Variants in ICA1 observed in about 807,000 individuals in gnomAD.
ICA1 encodes islet cell autoantigen 1.
ICA1 carries 40 observed loss-of-function variants against 71.0 expected under a neutral mutation model. That is an observed-to-expected ratio of 0.56 (90% confidence interval 0.44 to 0.73). ICA1 has a LOEUF of 0.73. Ranked by LOEUF, ICA1 falls within the 30% of genes least tolerant of loss-of-function variation. The probability of loss-of-function intolerance (pLI) is 0.00; values close to 1 mark genes in which losing one functional copy is unlikely to be tolerated. For synonymous variants in ICA1, 207 were observed against 209.5 expected (o/e 0.99, Z 0.10); for missense variants, 578 against 576.5 (o/e 1.00, Z -0.03).
At chr7:8,195,910 A>G (rs10277277) in intron 6 of ICA1, among the ~76,000 whole-genome samples, 150,535 of 152,252 alleles carry the variant, frequency 0.99, 74,426 homozygotes, top group Middle Eastern at 1. Context: ...CCCAGGAGGA[A>G]GAGGTTGTGG....
At chr7:8,238,847 T>C (rs905942139) in intron 1 of ICA1, among the ~76,000 whole-genome samples, 3 of 152,198 alleles carry the variant, frequency 2.0e-5, no homozygotes, top group African/African-American at 4.8e-5. Context: ...ATTGAAATCT[T>C]CCGGGGATAC....
intron 6 of ICA1, among the ~76,000 whole-genome samples, chr7:8,211,811 G>A (rs1422252917): frequency 6.6e-6 from 1 of 152,174 alleles, no homozygotes; most frequent in Non-Finnish European, 1.5e-5. Context: ...TGGCGAGTAA[G>A]TATTTTTAGC....
intron 12 of ICA1, among the ~76,000 whole-genome samples, chr7:8,128,972 TGTC>T (rs1790394087): frequency 6.6e-6 from 1 of 152,206 alleles, no homozygotes; most frequent in African/African-American, 2.4e-5. Context: ...ACCTCGGTGT[TGTC>T]AGGAAGACCA....
chr7:8,194,871 T>C (rs979943748), intron 6 of ICA1, among the ~76,000 whole-genome samples: 1 of 152,176 alleles, frequency 6.6e-6, no homozygotes, highest in Non-Finnish European at 1.5e-5. Flanking sequence ...CTCCATGCAA[T>C]GCTAAGCACT....
At chr7:8,136,841 GAAATATGA>G (rs1242973509) in intron 12 of ICA1, among the ~76,000 whole-genome samples, 11 of 152,148 alleles carry the variant, frequency 7.2e-5, no homozygotes, top group African/African-American at 2.7e-4. Context: ...ATAAACCAAT[GAAATATGA>G]AAGTTGTTTT....
rs115846825 is a variant in ICA1 at position 8,240,529 on chromosome 7, C to T, written c.-79-4524G>A. 4.4e-3 allele frequency among the ~76,000 whole-genome samples: 668 copies of T among 152,242 alleles called. 5 individuals are homozygous for T. Among genetic ancestry groups the T allele is most frequent in the African/African-American group, 0.014 (592 of 41,526 alleles). On this transcript the variant is annotated intron_variant, in intron 1 of 13. Transcript: ENST00000402384. ...CCTCCAAAGGATCGCAGCCCCTTGCCAGCAAAGGAACAAAGTTGGATGGAG... is the reference window on the plus strand; with the variant it reads ...CCTCCAAAGGATCGCAGCCCCTTGCTAGCAAAGGAACAAAGTTGGATGGAG...
At chr7:8,257,332 A>C (rs1445556767) in intron 1 of ICA1, among the ~76,000 whole-genome samples, 1 of 152,186 alleles carries the variant, frequency 6.6e-6, no homozygotes, top group Non-Finnish European at 1.5e-5. Context: ...CCTAGGTACT[A>C]TTAGGTTTCA....
At chr7:8,170,176 T>C (rs902353824) in intron 6 of ICA1, among the ~76,000 whole-genome samples, 1 of 151,968 alleles carries the variant, frequency 6.6e-6, no homozygotes. Context: ...TAGGTCTATT[T>C]CTGGACTTTC....
rs1336646317 is a variant in ICA1 at position 8,222,296 on chromosome 7, C to T, written c.257-898G>A. 6.6e-6 allele frequency among the ~76,000 whole-genome samples: 1 copy of T among 152,166 alleles called. No homozygotes were observed. Among genetic ancestry groups the T allele is most frequent in the Non-Finnish European group, 1.5e-5 (1 of 68,028 alleles). On this transcript the variant is annotated intron_variant, in intron 4 of 13. Coordinates refer to ENST00000402384, the MANE Select transcript of ICA1 (RefSeq NM_001136020.3). This position sits in a 1 kb window ranked among gnomAD's most constrained non-coding sequence, Gnocchi z 4.8. ...TGGTACAGTGGGGGTCCTGAACACA[C>T]ACCAGCAGCCAAGCCACAGGCACCA...
At chr7:8,256,540 C>T (rs1810268520) in intron 1 of ICA1, among the ~76,000 whole-genome samples, 1 of 152,184 alleles carries the variant, frequency 6.6e-6, no homozygotes, top group African/African-American at 2.4e-5. Flanking sequence ...TACATCAAGA[C>T]TCTCCTCAAA....
chr7:8,141,857 A>C (rs749902851), intron 9 of ICA1, 40 bp from the exon 10 acceptor site: 6 of 1,443,576 alleles, frequency 4.2e-6, no homozygotes. Flanking sequence ...ACTTCTACCA[A>C]TGTTATATTT....
At chr7:8,134,888 G>A (rs1404626013) in intron 12 of ICA1, among the ~76,000 whole-genome samples, 1 of 151,418 alleles carries the variant, frequency 6.6e-6, no homozygotes, top group East Asian at 1.9e-4. Flanking sequence ...CCCTGAGTAG[G>A]CACTAAAAAA....
rs1172564193 is a variant in ICA1 at position 8,226,608 on chromosome 7, C to A, written c.256+1993G>T. ...TAGCAACATCCTCAAATTAACCACA[C>A]TATTTTTAGTCTTCCATCAAAGTTG... On this transcript the variant is annotated intron_variant, in intron 4 of 13. Transcript: ENST00000402384. The surrounding 1 kb of genome is among the most constrained non-coding windows in gnomAD (Gnocchi z 4.4). Among the ~76,000 whole-genome samples, 1 of 152,196 alleles carries A rather than the reference C, an allele frequency of 6.6e-6. No homozygotes were observed. Among genetic ancestry groups the A allele is most frequent in the Non-Finnish European group, 1.5e-5 (1 of 68,036 alleles).
chr7:8,227,605 CT>C (rs752042709), intron 4 of ICA1: 30,342 of 309,486 alleles, frequency 0.098, 1,274 homozygotes, highest in African/African-American at 0.28. Flanking sequence ...AAGTAGTTGT[CT>C]TTTTTTTTTT....
rs1783775855 is a variant in ICA1, at chr7:8,113,395, G to C, written c.*528C>G. 6.5e-6 allele frequency: 1 copy of C among 153,218 alleles called. No homozygotes were observed. The highest frequency in any genetic ancestry group is 2.1e-4 in the South Asian group (1 of 4,876). The allele number at this position is 153,218 out of a possible 1,614,324, so 9.5% of individuals were successfully genotyped here. ...AGTGTGAGAACACGTGGCCCACCAG[G>C]CACCTGCTGTGGGGACAGTGTCTTT... On this transcript the variant is annotated 3_prime_UTR_variant, in exon 14 of 14. Coordinates refer to ENST00000402384, the MANE Select transcript of ICA1 (RefSeq NM_001136020.3). The surrounding 1 kb of genome is among the most constrained non-coding windows in gnomAD (Gnocchi z 4.2).
chr7:8,165,010 G>A (rs1377653079), intron 6 of ICA1, among the ~76,000 whole-genome samples: 1 of 152,162 alleles, frequency 6.6e-6, no homozygotes, highest in African/African-American at 2.4e-5. Context: ...CCAGGAGGTG[G>A]AGGCTGCAGT....
chr7:8,158,690 C>G, intron 6 of ICA1, 38 bp from the exon 7 acceptor site: 1 of 1,595,504 alleles, frequency 6.3e-7, no homozygotes, highest in Non-Finnish European at 8.5e-7. Context: ...TCACCCTAAC[C>G]CTTAAGTAGG....
intron 1 of ICA1, among the ~76,000 whole-genome samples, chr7:8,237,415 T>C (rs1413525700): frequency 6.6e-6 from 1 of 152,222 alleles, no homozygotes; most frequent in Non-Finnish European, 1.5e-5. Flanking sequence ...CACCATGAAC[T>C]ATTAGGATAG....
At chr7:8,207,171 GGA>G (rs1418364860) in intron 6 of ICA1, among the ~76,000 whole-genome samples, 1 of 152,200 alleles carries the variant, frequency 6.6e-6, no homozygotes, top group Non-Finnish European at 1.5e-5. Context: ...AGTCACAGCT[GGA>G]GAGAGAATTT....
Sources: allele counts gnomAD v4.1 joint callset (sites outside exome capture counted in the v4.1 genomes callset), GRCh38; gene constraint gnomAD v4.1.1; non-coding constraint Gnocchi (gnomAD v3.1); transcripts MANE v1.5; gene names NCBI Gene and HGNC (gene_info 2026-07-23, HGNC 2026-07-21).